UBR3: variants seen among roughly 807,000 people sequenced by gnomAD.
UBR3 encodes E3 ubiquitin-protein ligase UBR3.
Under a neutral mutation model 243.2 loss-of-function variants are expected in UBR3, and 85 were observed. That is an observed-to-expected ratio of 0.35 (90% CI 0.29 to 0.42). The LOEUF (loss-of-function observed/expected upper bound fraction) is 0.42. UBR3 is among the 10% of genes least tolerant of loss of function. The probability of loss-of-function intolerance (pLI) is 1.00; values close to 1 mark genes in which losing one functional copy is unlikely to be tolerated. For synonymous variants in UBR3, 748 were observed against 799.8 expected (o/e 0.94, Z 1.09); for missense variants, 1,686 against 2,300.8 (o/e 0.73, Z 5.47).
Position 169,872,347 on chromosome 2 carries a change from G to T in UBR3, c.657G>T (p.Gln219His). 1 of 1,494,222 alleles carries T rather than the reference G, an allele frequency of 6.7e-7. No individual in the cohort carries two copies. 92.6% of individuals were successfully genotyped at this position (1,494,222 alleles called of 1,614,324 possible). A position where few individuals can be genotyped will look rare whatever the true frequency, so the allele number is the denominator to read the frequency against. ...VLPRFIFCLI[Q>H]YLREGYNEPA... Reference sequence around the variant, plus strand: ...CAAGATTTATATTTTGTCTTATTCAGTACTTAAGAGAAGGCTATAATGAAC... The same window carrying T: ...CAAGATTTATATTTTGTCTTATTCATTACTTAAGAGAAGGCTATAATGAAC... The change falls in exon 2 of 39, where the codon CAG becomes CAT. Residue 219 changes from glutamine to histidine, a missense_variant. Transcript: ENST00000272793.
chr2:170,077,583 C>T, intron 36 of UBR3: 1 of 535,324 alleles, frequency 1.9e-6, no homozygotes, highest in Non-Finnish European at 3.3e-6. Flanking sequence ...GCGTCTTTCT[C>T]TTTCCTGTTG....
intron 33 of UBR3, among the ~76,000 whole-genome samples, chr2:170,058,679 C>G (rs2091393976): frequency 6.6e-6 from 1 of 152,036 alleles, no homozygotes; most frequent in African/African-American, 2.4e-5. Flanking sequence ...CCACACCTGG[C>G]TAACTTTCCC....
At chr2:169,937,998 C>G (rs764556158) in intron 19 of UBR3, among the ~76,000 whole-genome samples, 1 of 152,096 alleles carries the variant, frequency 6.6e-6, no homozygotes, top group Non-Finnish European at 1.5e-5. Context: ...ATTTTAATCT[C>G]TCATCCTCAT....
intron 10 of UBR3, among the ~76,000 whole-genome samples, chr2:169,907,036 CTTTTTTTTTTTT>C (rs36078695): frequency 2.7e-5 from 3 of 112,360 alleles, no homozygotes; most frequent in Non-Finnish European, 3.6e-5. Flanking sequence ...AAATTTCTTT[CTTTTTTTTTTTT>C]TTTTTTTTTT....
intron 1 of UBR3, among the ~76,000 whole-genome samples, chr2:169,829,662 T>C (rs967975049): frequency 1.3e-5 from 2 of 152,150 alleles, no homozygotes; most frequent in Non-Finnish European, 2.9e-5. Flanking sequence ...CGACCTCAGG[T>C]GATCCGCCCG....
At chr2:169,840,254 C>T (rs2082246989) in intron 1 of UBR3, among the ~76,000 whole-genome samples, 1 of 152,202 alleles carries the variant, frequency 6.6e-6, no homozygotes, top group African/African-American at 2.4e-5. Flanking sequence ...CCCCACCTCC[C>T]TCTGGGCCTG....
chr2:169,841,592 G>A (rs1330324509), intron 1 of UBR3, among the ~76,000 whole-genome samples: 1 of 152,222 alleles, frequency 6.6e-6, no homozygotes, highest in Non-Finnish European at 1.5e-5. Flanking sequence ...CTGGAGTTCC[G>A]GGTGGGCGTG....
chr2:169,842,454 C>T (rs531275225), intron 1 of UBR3, among the ~76,000 whole-genome samples: 9 of 151,890 alleles, frequency 5.9e-5, no homozygotes, highest in Admixed American at 2.6e-4. Flanking sequence ...GCAACCCTCT[C>T]GGGTCCCCTT....
At chr2:170,010,558 A>G (rs2090052664) in intron 29 of UBR3, among the ~76,000 whole-genome samples, 1 of 152,148 alleles carries the variant, frequency 6.6e-6, no homozygotes, top group African/African-American at 2.4e-5. Context: ...GTTTGTAAGT[A>G]ACTTACAGAA....
intron 1 of UBR3, among the ~76,000 whole-genome samples, chr2:169,830,048 C>T (rs2081884013): frequency 6.6e-6 from 1 of 151,940 alleles, no homozygotes; most frequent in Admixed American, 6.6e-5. Flanking sequence ...AAATCAGTGT[C>T]GTCATTCTAT....
At chr2:169,840,974 G>A (rs1339549662) in intron 1 of UBR3, among the ~76,000 whole-genome samples, 2 of 152,134 alleles carry the variant, frequency 1.3e-5, no homozygotes, top group Non-Finnish European at 2.9e-5. Flanking sequence ...CCCCTCCCTT[G>A]AAACAGTTCT....
At chr2:169,991,162 TATAAAC>T (rs1316022601) in intron 25 of UBR3, among the ~76,000 whole-genome samples, 4 of 152,144 alleles carry the variant, frequency 2.6e-5, no homozygotes, top group Non-Finnish European at 5.9e-5. Flanking sequence ...ATGAAGGTAT[TATAAAC>T]ATATATGCTC....
intron 26 of UBR3, 110 bp from the exon 27 acceptor site, chr2:170,001,194 A>G: frequency 2.7e-6 from 2 of 732,194 alleles, no homozygotes; most frequent in South Asian, 4.0e-5. Flanking sequence ...GAAACTCCAC[A>G]TTAATATAAA....
intron 24 of UBR3, among the ~76,000 whole-genome samples, chr2:169,963,160 G>T (rs548974776): frequency 6.6e-6 from 1 of 152,260 alleles, no homozygotes; most frequent in East Asian, 1.9e-4. Flanking sequence ...CCCCCTGGAT[G>T]CTCTGTTTAG....
At chr2:169,860,102 T>G (rs1358428999) in intron 1 of UBR3, among the ~76,000 whole-genome samples, 1 of 152,228 alleles carries the variant, frequency 6.6e-6, no homozygotes, top group Non-Finnish European at 1.5e-5. Context: ...GTCCTTTCTC[T>G]TCTTGAACAA....
At chr2:170,051,018 C>T (rs2091203941) in intron 32 of UBR3, among the ~76,000 whole-genome samples, 4 of 152,118 alleles carry the variant, frequency 2.6e-5, no homozygotes, top group Non-Finnish European at 5.9e-5. Flanking sequence ...TTTAAATCAT[C>T]TCTAGATTAC....
intron 11 of UBR3, among the ~76,000 whole-genome samples, chr2:169,922,512 G>A (rs2085742604): frequency 6.6e-6 from 1 of 152,056 alleles, no homozygotes; most frequent in Non-Finnish European, 1.5e-5. Context: ...GTTCAGTAGT[G>A]TTATGTGTAT....
intron 31 of UBR3, among the ~76,000 whole-genome samples, chr2:170,037,579 G>A (rs1363160782): frequency 6.6e-6 from 1 of 151,942 alleles, no homozygotes; most frequent in East Asian, 1.9e-4. Context: ...GTAGAGACAG[G>A]GTTTCACCAT....
At chr2:169,917,181 C>T (rs1469259172) in intron 11 of UBR3, among the ~76,000 whole-genome samples, 1 of 152,166 alleles carries the variant, frequency 6.6e-6, no homozygotes, top group Non-Finnish European at 1.5e-5. Flanking sequence ...GACCAACTCA[C>T]CTTGATTCTT....
Sources: gnomAD v4.1 joint callset for allele counts (sites outside exome capture counted in the v4.1 genomes callset) on GRCh38, gnomAD v4.1.1 for gene constraint, MANE v1.5 for transcripts, NCBI Gene and HGNC (gene_info 2026-07-23, HGNC 2026-07-21) for gene names.